The following BTBD7 variants were observed in gnomAD, a reference collection of about 807,000 sequenced individuals.
BTBD7 encodes the protein BTB/POZ domain-containing protein 7.
In BTBD7, 38 loss-of-function variants were observed where a neutral mutation model predicts 99.9. That is an observed-to-expected ratio of 0.38 (90% CI 0.29 to 0.50). The LOEUF (loss-of-function observed/expected upper bound fraction) is 0.50, where lower values mean the gene tolerates loss of function less well. Ranked by LOEUF, BTBD7 falls within the 20% of genes least tolerant of loss-of-function variation. BTBD7 has a pLI of 0.93. For missense variants in BTBD7, 1,170 were observed against 1,394.6 expected, an observed-to-expected ratio of 0.84 and a Z score of 2.57; for synonymous variants, 520 against 511.4, an observed-to-expected ratio of 1.02 and a Z score of -0.23.
intron 3 of BTBD7, among the ~76,000 whole-genome samples, chr14:93,285,222 AG>A (rs1392743417): frequency 1.3e-5 from 2 of 152,150 alleles, no homozygotes; most frequent in Non-Finnish European, 1.5e-5. Flanking sequence ...TGGATGAGTG[AG>A]TGGGGACAGT....
At chr14:93,304,862 G>C (rs1401913562) in intron 1 of BTBD7, among the ~76,000 whole-genome samples, 1 of 152,210 alleles carries the variant, frequency 6.6e-6, no homozygotes, top group African/African-American at 2.4e-5. Flanking sequence ...TCCACTAGTA[G>C]AGCTGGAGAG....
chr14:93,251,726 ACTTT>A (rs2052370096), intron 7 of BTBD7, 74 bp from the exon 8 acceptor site: 2 of 1,218,530 alleles, frequency 1.6e-6, no homozygotes, highest in African/African-American at 3.1e-5. Flanking sequence ...GAAGACTATT[ACTTT>A]CATCAAATAA....
At chr14:93,258,476 T>C (rs971573900) in intron 5 of BTBD7, among the ~76,000 whole-genome samples, 1 of 152,206 alleles carries the variant, frequency 6.6e-6, no homozygotes, top group Non-Finnish European at 1.5e-5. Context: ...AGAATCCTCC[T>C]GTATAAAACT....
At position 93,261,621 on chromosome 14, in the gene BTBD7, C is replaced by A. The variant is rs374004567; in HGVS notation, c.1428G>T (p.Met476Ile). ...YLIKWGEHQL[M>I]KRIADREPNL... is the part of the protein sequence containing the mutation. The stretch of plus-strand genomic sequence containing the variant: ...GCTTACCTCTATCTGCTATTCTTTT[C>A]ATCAACTGATGCTCTCCCCATTTAA... Residue 476 changes from methionine to isoleucine, a missense_variant, in exon 5 of 11, where the codon ATG (methionine) becomes ATT (isoleucine). Physicochemically the swap from Met to Ile is conservative, Grantham distance 10. Transcript: ENST00000334746. 20 of 1,611,910 alleles carry A rather than the reference C, an allele frequency of 1.2e-5. No individual in the cohort carries two copies. In the African/African-American group the frequency reaches 2.4e-4, roughly 19 times the overall value.
intron 10 of BTBD7, chr14:93,244,195 A>C: frequency 2.4e-6 from 1 of 416,852 alleles, no homozygotes; most frequent in Non-Finnish European, 4.7e-6. Context: ...TAAAACTACA[A>C]AGACTGTGCT....
chr14:93,261,771 C>T (rs1392529209), intron 4 of BTBD7, 94 bp from the exon 5 acceptor site: 5 of 857,228 alleles, frequency 5.8e-6, no homozygotes, highest in South Asian at 1.5e-5. Flanking sequence ...TAACAGCATG[C>T]AACTTACCAT....
intron 1 of BTBD7, among the ~76,000 whole-genome samples, chr14:93,297,781 G>C (rs1278630789): frequency 1.3e-5 from 2 of 152,062 alleles, no homozygotes; most frequent in Non-Finnish European, 2.9e-5. Context: ...ATCTCACTCA[G>C]GGTTTACATT....
chr14:93,283,459 T>C (rs2052743775), intron 3 of BTBD7, among the ~76,000 whole-genome samples: 2 of 152,262 alleles, frequency 1.3e-5, no homozygotes, highest in African/African-American at 4.8e-5. Context: ...ATTTTAGAGA[T>C]ATCACTTCTT....
At chr14:93,288,735 C>T in intron 3 of BTBD7, 1 of 1,606,028 alleles carries the variant, frequency 6.2e-7, no homozygotes, top group East Asian at 2.2e-5. Context: ...GGCAAGCTGG[C>T]TTTTTCATTT....
intron 2 of BTBD7, 102 bp from the exon 3 acceptor site, chr14:93,295,039 G>A (rs887499844): frequency 7.0e-6 from 8 of 1,136,886 alleles, no homozygotes; most frequent in Admixed American, 6.6e-5. Flanking sequence ...AGACATTACC[G>A]AACCACTCAA....
intron 1 of BTBD7, among the ~76,000 whole-genome samples, chr14:93,327,679 C>T (rs902684726): frequency 1.3e-5 from 2 of 152,154 alleles, no homozygotes; most frequent in South Asian, 2.1e-4. Context: ...TCATATTCAA[C>T]AGGGAAAGAC....
chr14:93,246,177 A>C lies in BTBD7; in HGVS notation c.2231T>G (p.Met744Arg). 3.7e-6 allele frequency: 6 copies of C among 1,613,770 alleles called. No homozygotes were observed. The highest frequency in any genetic ancestry group is 3.4e-6 in the Non-Finnish European group (4 of 1,179,850). The change falls in exon 10 of 11, where the codon ATG (methionine) becomes AGG (arginine). Residue 744 changes from methionine (M) to arginine (R), a missense_variant. Physicochemically the swap from Met to Arg is moderately conservative, Grantham distance 91. Coordinates refer to ENST00000334746, the MANE Select transcript of BTBD7 (RefSeq NM_001002860.4). ...RVNSTPPAET[M>R]FTDLDSFVAF... ...CACAAAAGAGTCCAGATCTGTAAAC[A>C]TGGTTTCTGCAGGAGGTGTACTGTT...
chr14:93,296,237 A>C, intron 1 of BTBD7, 80 bp from the exon 2 acceptor site: 1 of 1,060,250 alleles, frequency 9.4e-7, no homozygotes, highest in Middle Eastern at 3.5e-4. Flanking sequence ...AGCTACTGAA[A>C]ACTGCTTTCA....
chr14:93,279,829 G>C (rs2052699057), intron 3 of BTBD7, among the ~76,000 whole-genome samples: 1 of 152,200 alleles, frequency 6.6e-6, no homozygotes, highest in Non-Finnish European at 1.5e-5. Flanking sequence ...ATAAGTGTTT[G>C]TTAAATGAGT....
At chr14:93,279,582 C>A (rs1395929329) in intron 3 of BTBD7, among the ~76,000 whole-genome samples, 3 of 152,152 alleles carry the variant, frequency 2.0e-5, no homozygotes, top group Non-Finnish European at 4.4e-5. Flanking sequence ...GAGTCTCGCT[C>A]TGTTGCCCAG....
chr14:93,247,190 G>A, intron 9 of BTBD7, among the ~76,000 whole-genome samples: 1 of 152,042 alleles, frequency 6.6e-6, no homozygotes, highest in East Asian at 1.9e-4. Context: ...CTATGCCTGG[G>A]TAATTTATTA....
rs1047920377 is a variant in BTBD7 at position 93,239,463 on chromosome 14, T to C, written c.*2810A>G. The C allele has an allele frequency of 1.3e-5, 2 of 151,974 alleles. No homozygotes were observed. The highest frequency in any genetic ancestry group is 1.9e-4 in the East Asian group (1 of 5,190). The allele number at this position is 151,974 out of a possible 1,614,324, so 9.4% of individuals were successfully genotyped here. A position where few individuals can be genotyped will look rare whatever the true frequency, so the allele number is the denominator to read the frequency against. ...TATATATATATGCTTTTTTTTTTTTTCTGAGAGCAACCTTACTCAGACTTC... is the reference window on the plus strand; with the variant it reads ...TATATATATATGCTTTTTTTTTTTTCCTGAGAGCAACCTTACTCAGACTTC... On this transcript the variant is annotated 3_prime_UTR_variant, in exon 11 of 11. Coordinates refer to ENST00000334746, the MANE Select transcript of BTBD7 (RefSeq NM_001002860.4).
chr14:93,316,254 C>CT (rs71129627), intron 1 of BTBD7, among the ~76,000 whole-genome samples: 182 of 146,660 alleles, frequency 1.2e-3, no homozygotes, highest in South Asian at 1.7e-3. Flanking sequence ...CATGCCCAGT[C>CT]TTTTTTTTTT....
At chr14:93,329,009 A>G (rs1387609020) in intron 1 of BTBD7, among the ~76,000 whole-genome samples, 8 of 152,216 alleles carry the variant, frequency 5.3e-5, no homozygotes, top group Admixed American at 4.6e-4. Flanking sequence ...CATAAGCAAC[A>G]AAAGAAAATC....
Sources: gnomAD v4.1 joint callset for allele counts (sites outside exome capture counted in the v4.1 genomes callset) on GRCh38, gnomAD v4.1.1 for gene constraint, MANE v1.5 for transcripts, NCBI Gene and HGNC (gene_info 2026-07-23, HGNC 2026-07-21) for gene names.